Variants in RAB27A observed in about 807,000 individuals in gnomAD.
The protein encoded by RAB27A is RAB27A, member RAS oncogene family.
In RAB27A, 17 loss-of-function variants were observed where a neutral mutation model predicts 20.8. The ratio of observed to expected loss-of-function variants is 0.82; its 90% confidence interval spans 0.56 to 1.23. The LOEUF is 1.23. Among genes scored for constraint, RAB27A ranks in the 50% most tolerant of loss-of-function variants. The pLI, the probability that RAB27A is intolerant of heterozygous loss-of-function variation, is 0.00. For synonymous variants in RAB27A, 85 were observed against 92.8 expected, an observed-to-expected ratio of 0.92 and a Z score of 0.48; for missense variants, 277 against 266.7, an observed-to-expected ratio of 1.04 and a Z score of -0.27.
chr15:55,209,915 TATATACACACATATATGTATGTAC>T lies in RAB27A; in HGVS notation c.468-4234_468-4211del, dbSNP rs1894883268. Among the ~76,000 whole-genome samples the T allele has an allele frequency of 2.1e-5, 2 of 95,026 alleles. 1 individual carries two copies. Among genetic ancestry groups the T allele is most frequent in the African/African-American group, 1.3e-4 (2 of 14,884 alleles). 62.3% of individuals were successfully genotyped at this position (95,026 alleles called of 152,430 possible). A position where few individuals can be genotyped will look rare whatever the true frequency, so the allele number is the denominator to read the frequency against. ...ATATATACACATATGTGTGTGTATG[TATATACACACATATATGTATGTAC>T]ATGTACACACATACGCATATATGTG... On this transcript the variant is annotated intron_variant, in intron 6 of 6. Transcript: ENST00000336787.
In RAB27A at chr15:55,228,642, C is replaced by G. The variant is rs756090505; in HGVS notation, c.310G>C (p.Glu104Gln). The change falls in exon 5 of 7, where the codon GAG becomes CAG. Residue 104 changes from glutamate (E) to glutamine (Q), a missense_variant. By Grantham distance (29) the Glu-to-Gln change is conservative. Transcript: ENST00000336787. Reference sequence around the variant, plus strand: ...TTTCTGACATTGAGGAAACTTTGCTCATTTGTCAGATCAAAAAGTAGAAGA... The same window carrying G: ...TTTCTGACATTGAGGAAACTTTGCTGATTTGTCAGATCAAAAAGTAGAAGA... The part of the protein sequence containing the change: ...GFLLLFDLTN[E>Q]QSFLNVRNWI... 2 of 1,612,928 alleles carry G rather than the reference C, an allele frequency of 1.2e-6. No individual in the cohort carries two copies. The highest frequency in any genetic ancestry group is 1.7e-6 in the Non-Finnish European group (2 of 1,178,938).
rs376589113 is a variant in RAB27A, at chr15:55,228,676, A to G, written c.276T>C (p.Ala92=). The G allele has an allele frequency of 2.7e-5, 44 of 1,613,898 alleles. No homozygotes were observed. The highest frequency in any genetic ancestry group is 3.3e-4 in the Middle Eastern group (2 of 6,062). ...RSLTTAFFRD[A]MGFLLLFDLT... ...GATCAAAAAGTAGAAGAAAACCCAT[A>G]GCATCTCTGAAGAACGCTGTCGTTA... Residue 92 remains alanine (A), a synonymous_variant, in exon 5 of 7, where the codon GCT becomes GCC. Transcript: ENST00000336787.
Position 55,234,809 on chromosome 15 carries a change from C to G in RAB27A, c.126G>C (p.Val42=). Residue 42 remains valine (V), a synonymous_variant, in exon 3 of 7, where the codon GTG becomes GTC. Coordinates refer to ENST00000336787, the MANE Select transcript of RAB27A (RefSeq NM_183235.3). ...CTCTTTTTTCCCTGAAATCAATGCC[C>G]ACTGTTGTGATAAATTTGGAGTTAA... ...GKFNSKFITT[V]GIDFREKRVV... is the part of the protein sequence containing the mutation. 1 of 1,611,808 alleles carries G rather than the reference C, an allele frequency of 6.2e-7. No individual in the cohort carries two copies. The highest frequency in any genetic ancestry group is 8.5e-7 in the Non-Finnish European group (1 of 1,178,204).
Position 55,203,400 on chromosome 15 carries a change from T to C in RAB27A, c.*2107A>G, listed in dbSNP as rs189434309. ...ACTATATAAGGCACTGCTGTGTGATTATGACCCTGCTCTTTTTTTTTTTTT... is the reference window on the plus strand; with the variant it reads ...ACTATATAAGGCACTGCTGTGTGATCATGACCCTGCTCTTTTTTTTTTTTT... On this transcript the variant is annotated 3_prime_UTR_variant, in exon 7 of 7. Coordinates refer to ENST00000336787, the MANE Select transcript of RAB27A (RefSeq NM_183235.3). 1 of 151,566 alleles carries C rather than the reference T, an allele frequency of 6.6e-6. No individual in the cohort carries two copies. The highest frequency in any genetic ancestry group is 1.5e-5 in the Non-Finnish European group (1 of 68,020). 9.4% of individuals were successfully genotyped at this position (151,566 alleles called of 1,614,324 possible). A position where few individuals can be genotyped will look rare whatever the true frequency, so the allele number is the denominator to read the frequency against.
intron 6 of RAB27A, among the ~76,000 whole-genome samples, chr15:55,223,328 C>G (rs1490700351): frequency 6.6e-6 from 1 of 151,568 alleles, no homozygotes; most frequent in African/African-American, 2.4e-5. Context: ...AATATGGTAC[C>G]AGAAACCCCA....
rs372298473 is a variant in RAB27A at position 55,267,810 on chromosome 15, G to C, written c.-23+2355C>G. ...TGAGCACTCAGGTACCGAGGGTCCA[G>C]AGAGGGCGGAAGCTGAAACAGCCGC... On this transcript the variant is annotated intron_variant, in intron 2 of 6. Coordinates refer to ENST00000336787, the MANE Select transcript of RAB27A (RefSeq NM_183235.3). Among the ~76,000 whole-genome samples the C allele has an allele frequency of 1.2e-4, 19 of 152,332 alleles. 1 individual carries two copies. Among genetic ancestry groups the C allele is most frequent in the African/African-American group, 4.6e-4 (19 of 41,580 alleles).
At chr15:55,223,190 T>C (rs1303777899) in intron 6 of RAB27A, among the ~76,000 whole-genome samples, 1 of 152,090 alleles carries the variant, frequency 6.6e-6, no homozygotes, top group Non-Finnish European at 1.5e-5. Context: ...TTCTCTACAA[T>C]AGTACATGAA....
intron 1 of RAB27A, chr15:55,270,968 C>G (rs1437652780): frequency 6.6e-6 from 1 of 152,252 alleles, no homozygotes; most frequent in East Asian, 1.9e-4. Context: ...TAACTCCTCC[C>G]TCTCTGCCCC....
intron 2 of RAB27A, among the ~76,000 whole-genome samples, chr15:55,260,217 A>G (rs569479964): frequency 3.3e-5 from 5 of 152,358 alleles, no homozygotes; most frequent in Admixed American, 2.6e-4. Context: ...AGAGAATTGC[A>G]AATTAAAACA....
chr15:55,217,282 G>C (rs1275004635), intron 6 of RAB27A, among the ~76,000 whole-genome samples: 1 of 151,994 alleles, frequency 6.6e-6, no homozygotes, highest in Non-Finnish European at 1.5e-5. Flanking sequence ...TCAGCTCTGT[G>C]CCAGTAATTG....
chr15:55,220,774 A>C (rs1017602893), intron 6 of RAB27A, among the ~76,000 whole-genome samples: 1 of 152,200 alleles, frequency 6.6e-6, no homozygotes, highest in Admixed American at 6.5e-5. Flanking sequence ...ATGAAACAAA[A>C]CATCTGTGAA....
chr15:55,231,770 T>C (rs144489962), intron 3 of RAB27A, among the ~76,000 whole-genome samples: 7 of 152,284 alleles, frequency 4.6e-5, no homozygotes, highest in East Asian at 3.9e-4. Context: ...TGTCTTTCTT[T>C]GACCTCACTC....
intron 2 of RAB27A, among the ~76,000 whole-genome samples, chr15:55,306,109 C>T (rs771039126): frequency 3.3e-5 from 5 of 152,122 alleles, no homozygotes; most frequent in East Asian, 1.9e-4. Context: ...GCAGACTATT[C>T]GTGGGGGGGA....
chr15:55,303,786 G>A (rs1357367348), intron 2 of RAB27A, among the ~76,000 whole-genome samples: 535 of 111,152 alleles, frequency 4.8e-3, no homozygotes, highest in African/African-American at 5.9e-3. Flanking sequence ...CGGGAGGGAG[G>A]TGGGGGGGTC....
At chr15:55,209,641 T>C (rs1894820966) in intron 6 of RAB27A, among the ~76,000 whole-genome samples, 1 of 150,164 alleles carries the variant, frequency 6.7e-6, no homozygotes, top group Non-Finnish European at 1.5e-5. Flanking sequence ...CTGATATACA[T>C]CTCTATATAT....
intron 6 of RAB27A, among the ~76,000 whole-genome samples, chr15:55,211,407 T>C (rs1205954093): frequency 6.6e-6 from 1 of 152,210 alleles, no homozygotes; most frequent in African/African-American, 2.4e-5. Context: ...TTTTCCATTT[T>C]TGGTGTCCTC....
chr15:55,269,426 C>T (rs1433924332), intron 2 of RAB27A, among the ~76,000 whole-genome samples: 2 of 152,126 alleles, frequency 1.3e-5, no homozygotes, highest in African/African-American at 4.8e-5. Flanking sequence ...TACTAAAACA[C>T]ACACTTACAT....
At chr15:55,315,607 A>G (rs1267196320) in intron 1 of RAB27A, among the ~76,000 whole-genome samples, 1 of 152,236 alleles carries the variant, frequency 6.6e-6, no homozygotes, top group African/African-American at 2.4e-5. Context: ...ATGAACAGAC[A>G]CTTCTCAAAA....
intron 1 of RAB27A, among the ~76,000 whole-genome samples, chr15:55,277,019 A>G (rs971361787): frequency 6.6e-6 from 1 of 152,172 alleles, no homozygotes; most frequent in African/African-American, 2.4e-5. Context: ...TTAAAAATAA[A>G]TTGTTAAGTA....
Sources: gnomAD v4.1 joint callset for allele counts (sites outside exome capture counted in the v4.1 genomes callset) on GRCh38, gnomAD v4.1.1 for gene constraint, MANE v1.5 for transcripts, NCBI Gene and HGNC (gene_info 2026-07-23, HGNC 2026-07-21) for gene names.